ACOT12: variants seen among roughly 807,000 people sequenced by gnomAD.
ACOT12 encodes the protein acyl-CoA thioesterase 12.
Under a neutral mutation model 67.7 loss-of-function variants are expected in ACOT12, and 51 were observed. The observed-to-expected ratio is 0.75, with a 90% CI of 0.60 to 0.95. The LOEUF (loss-of-function observed/expected upper bound fraction) is 0.95. Among genes scored for constraint, ACOT12 ranks in the 40% least tolerant of loss-of-function variants. The pLI, the probability that ACOT12 is intolerant of heterozygous loss-of-function variation, is 0.00. For synonymous variants in ACOT12, 251 were observed against 244.6 expected (o/e 1.03, Z -0.24); for missense variants, 734 against 708.1 (o/e 1.04, Z -0.41).
At chr5:81,328,400 G>A (rs1218397132), downstream of ACOT12, among the ~76,000 whole-genome samples, 1 of 152,162 alleles carries the variant, frequency 6.6e-6, no homozygotes, top group Non-Finnish European at 1.5e-5. Context: ...CTAGCACAAA[G>A]TTCTCAATAA....
At chr5:81,382,724 C>A (rs1188474160) in intron 2 of ACOT12, among the ~76,000 whole-genome samples, 1 of 151,826 alleles carries the variant, frequency 6.6e-6, no homozygotes, top group Non-Finnish European at 1.5e-5. Context: ...ATCGCTTGAA[C>A]CTGGGAGGCG....
the ACOT12 span, among the ~76,000 whole-genome samples, chr5:81,317,621 A>G: frequency 6.6e-6 from 1 of 152,190 alleles, no homozygotes; most frequent in Non-Finnish European, 1.5e-5. Context: ...AAGCAGGCAC[A>G]ATCTTTACAT....
intron 1 of ACOT12, among the ~76,000 whole-genome samples, chr5:81,387,938 G>A (rs1246262810): frequency 6.6e-6 from 1 of 151,986 alleles, no homozygotes; most frequent in Non-Finnish European, 1.5e-5. Flanking sequence ...TATCTATTCT[G>A]TATATGTAGC....
At chr5:81,311,050 A>G in the ACOT12 span, among the ~76,000 whole-genome samples, 1 of 152,204 alleles carries the variant, frequency 6.6e-6, no homozygotes, top group South Asian at 2.1e-4. Context: ...AGGAATGGAG[A>G]ATGAATTAAT....
At chr5:81,312,565 G>T in the ACOT12 span, 11 of 1,613,342 alleles carry the variant, frequency 6.8e-6, no homozygotes, top group Non-Finnish European at 8.5e-6. Flanking sequence ...ACAGTTGGTC[G>T]CTGGGCAAAG....
At chr5:81,308,653 G>A in the ACOT12 span, 5 of 1,613,938 alleles carry the variant, frequency 3.1e-6, no homozygotes, top group African/African-American at 1.3e-5. Flanking sequence ...TATGTTACAG[G>A]TGTGGGTCCA....
At chr5:81,361,077 CAAAAAAAAAAAAAAA>C (rs71000820) in intron 4 of ACOT12, among the ~76,000 whole-genome samples, 8 of 52,636 alleles carry the variant, frequency 1.5e-4, no homozygotes, top group Non-Finnish European at 2.4e-4. Flanking sequence ...GACTCCATCT[CAAAAAAAAAAAAAAA>C]AAAAAAAGAA....
At chr5:81,359,319 C>T (rs1759827095) in intron 5 of ACOT12, among the ~76,000 whole-genome samples, 1 of 152,172 alleles carries the variant, frequency 6.6e-6, no homozygotes, top group Non-Finnish European at 1.5e-5. Flanking sequence ...CTCTGCCTTT[C>T]CCTACCAGTC....
At chr5:81,392,694 T>G (rs1183377556) in intron 1 of ACOT12, among the ~76,000 whole-genome samples, 1 of 152,134 alleles carries the variant, frequency 6.6e-6, no homozygotes, top group Non-Finnish European at 1.5e-5. Context: ...TTCCTATGTG[T>G]GGATTAATTT....
chr5:81,341,985 T>C (rs1398039842), intron 11 of ACOT12, among the ~76,000 whole-genome samples: 1 of 150,886 alleles, frequency 6.6e-6, no homozygotes, highest in African/African-American at 2.5e-5. Flanking sequence ...AATTGACCAA[T>C]TATTTATTTA....
chr5:81,379,730 T>C (rs147039847), intron 2 of ACOT12, among the ~76,000 whole-genome samples: 36 of 152,280 alleles, frequency 2.4e-4, no homozygotes, highest in African/African-American at 7.9e-4. Context: ...ACTATTTTAA[T>C]CATAGTAGAG....
chr5:81,322,134 T>C, the ACOT12 span, among the ~76,000 whole-genome samples: 1 of 152,248 alleles, frequency 6.6e-6, no homozygotes, highest in African/African-American at 2.4e-5. Flanking sequence ...TGGCCAAGAA[T>C]TTCTCAGAAT....
At chr5:81,344,844 C>G in intron 8 of ACOT12, 47 bp downstream of exon 8, 1 of 1,606,208 alleles carries the variant, frequency 6.2e-7, no homozygotes, top group Non-Finnish European at 8.5e-7. Context: ...AGGTAGAGCT[C>G]TCTATTCACA....
the ACOT12 span, chr5:81,312,798 C>G: frequency 1.6e-6 from 1 of 607,940 alleles, no homozygotes; most frequent in East Asian, 2.8e-5. Context: ...TGGCCAAAAA[C>G]AATTTTCTTT....
intron 5 of ACOT12, among the ~76,000 whole-genome samples, chr5:81,356,058 C>A (rs1312204586): frequency 6.6e-6 from 1 of 152,172 alleles, no homozygotes; most frequent in African/African-American, 2.4e-5. Flanking sequence ...CTCCCCACCC[C>A]CCGCATCCTT....
chr5:81,381,256 T>A lies in ACOT12; in HGVS notation c.197+4501A>T, dbSNP rs372456253. ...TAATTTTTTCTATTTTTAGTAGAGA[T>A]GGGGTTTCATCATGTTGGCCAGGCT... is the stretch of plus-strand genomic sequence containing the variant. On this transcript the variant is annotated intron_variant, in intron 2 of 14. Coordinates refer to ENST00000307624, the MANE Select transcript of ACOT12 (RefSeq NM_130767.3). Among the ~76,000 whole-genome samples the A allele has an allele frequency of 2.6e-5, 4 of 152,160 alleles. No individual in the cohort carries two copies. The South Asian group carries it at 8.3e-4, about 32-fold the overall frequency.
chr5:81,354,164 G>A (rs1351520101), intron 5 of ACOT12, among the ~76,000 whole-genome samples: 1 of 152,182 alleles, frequency 6.6e-6, no homozygotes, highest in Non-Finnish European at 1.5e-5. Context: ...ATAAGTTAGG[G>A]CAGATTAAAC....
intron 2 of ACOT12, among the ~76,000 whole-genome samples, chr5:81,372,046 G>T (rs554466306): frequency 6.6e-6 from 1 of 152,304 alleles, no homozygotes; most frequent in African/African-American, 2.4e-5. Flanking sequence ...AAACAGAAAA[G>T]AGACTTTGCA....
At chr5:81,309,165 T>A in the ACOT12 span, 1 of 672,128 alleles carries the variant, frequency 1.5e-6, no homozygotes, top group Non-Finnish European at 2.4e-6. Context: ...ATTACATTAT[T>A]TTTATCAAGT....
Sources: allele counts gnomAD v4.1 joint callset (sites outside exome capture counted in the v4.1 genomes callset), GRCh38; gene constraint gnomAD v4.1.1; transcripts MANE v1.5; gene names NCBI Gene and HGNC (gene_info 2026-07-23, HGNC 2026-07-21).